HDAC4: variants seen among roughly 807,000 people sequenced by gnomAD.
HDAC4 encodes histone deacetylase A.
HDAC4 carries 16 observed loss-of-function variants against 135.1 expected under a neutral mutation model. That is an observed-to-expected ratio of 0.12 (90% CI 0.08 to 0.18). The LOEUF (loss-of-function observed/expected upper bound fraction) is 0.18. HDAC4 is among the 10% of genes least tolerant of loss of function. The probability of loss-of-function intolerance (pLI) is 1.00; values close to 1 mark genes in which losing one functional copy is unlikely to be tolerated. For missense variants in HDAC4, 1,143 were observed against 1,511.8 expected (o/e 0.76, Z 4.05); for synonymous variants, 685 against 653.4 (o/e 1.05, Z -0.74).
At chr2:239,143,907 TC>T (rs1294916587) in intron 8 of HDAC4, among the ~76,000 whole-genome samples, 1 of 152,218 alleles carries the variant, frequency 6.6e-6, no homozygotes, top group Non-Finnish European at 1.5e-5. Flanking sequence ...AGCTCCTTTA[TC>T]CTGGTGCTGT....
chr2:239,390,240 C>A (rs941058861), intron 1 of HDAC4, among the ~76,000 whole-genome samples: 1 of 152,192 alleles, frequency 6.6e-6, no homozygotes, highest in Non-Finnish European at 1.5e-5. Flanking sequence ...TCAATACCTC[C>A]CTCGAAGCCA....
chr2:239,371,357 T>G (rs1694602647), intron 1 of HDAC4, among the ~76,000 whole-genome samples: 1 of 150,548 alleles, frequency 6.6e-6, no homozygotes, highest in Admixed American at 6.6e-5. Flanking sequence ...ACACGCACAC[T>G]CAAACCCATG....
rs1326474614 is a variant in HDAC4 at position 239,102,841 on chromosome 2, G to A, written c.2168C>T (p.Ala723Val). ...LEELQTVHSE[A>V]HTLLYGTNPL... ...GTTCGTGCCATACAGGAGGGTGTGGGCTTCCGAGTGCACCGTCTGTAGCTC... is the reference window on the plus strand; with the variant it reads ...GTTCGTGCCATACAGGAGGGTGTGGACTTCCGAGTGCACCGTCTGTAGCTC... Residue 723 changes from alanine (A) to valine (V), a missense_variant, in exon 16 of 27, where the codon GCC (alanine) becomes GTC (valine). Physicochemically the swap from Ala to Val is moderately conservative, Grantham distance 64 (BLOSUM62 0). Transcript: ENST00000543185. The A allele has an allele frequency of 2.5e-6, 4 of 1,613,972 alleles. No homozygotes were observed. The highest frequency in any genetic ancestry group is 3.4e-6 in the Non-Finnish European group (4 of 1,179,988).
chr2:239,331,529 C>T lies in HDAC4; in HGVS notation c.22+21149G>A, dbSNP rs1691570721. 6.6e-6 allele frequency among the ~76,000 whole-genome samples: 1 copy of T among 152,294 alleles called. No individual in the cohort carries two copies. The highest frequency in any genetic ancestry group is 2.1e-4 in the South Asian group (1 of 4,824). Reference sequence around the variant, plus strand: ...GATGAATGCAAGCCTGGAAAGCAAGCTGGGACTCGTGAACTAAGCCGCCCA... The same window carrying T: ...GATGAATGCAAGCCTGGAAAGCAAGTTGGGACTCGTGAACTAAGCCGCCCA... On this transcript the variant is annotated intron_variant, in intron 2 of 26. Coordinates refer to ENST00000543185, the MANE Select transcript of HDAC4 (RefSeq NM_001378414.1). This position sits in a 1 kb window ranked among gnomAD's most constrained non-coding sequence, Gnocchi z 4.5.
At chr2:239,314,818 C>A (rs1347429637) in intron 2 of HDAC4, among the ~76,000 whole-genome samples, 1 of 152,144 alleles carries the variant, frequency 6.6e-6, no homozygotes, top group East Asian at 1.9e-4. Flanking sequence ...AAATAAAATT[C>A]TAAGCTCCCA....
At chr2:239,267,790 C>T (rs866768000) in intron 2 of HDAC4, among the ~76,000 whole-genome samples, 15 of 152,400 alleles carry the variant, frequency 9.8e-5, no homozygotes, top group African/African-American at 3.1e-4. Context: ...CTTCTCCCTC[C>T]GTCAAGGACA....
At chr2:239,398,243 G>A (rs112067712) in intron 1 of HDAC4, among the ~76,000 whole-genome samples, 19 of 152,316 alleles carry the variant, frequency 1.2e-4, no homozygotes, top group African/African-American at 4.3e-4. Flanking sequence ...AAGCCCAGCC[G>A]TTTTCAATAG....
intron 2 of HDAC4, among the ~76,000 whole-genome samples, chr2:239,330,402 A>G (rs2125815890): frequency 6.6e-6 from 1 of 152,382 alleles, no homozygotes; most frequent in Admixed American, 6.5e-5. Context: ...TGGGGCCTGC[A>G]GCCAGCAACC....
At chr2:239,379,137 C>T (rs1374770807) in intron 1 of HDAC4, among the ~76,000 whole-genome samples, 1 of 152,176 alleles carries the variant, frequency 6.6e-6, no homozygotes, top group African/African-American at 2.4e-5. Context: ...CAAGTCACTC[C>T]AGGAAGGCAG....
rs1691613332 is a variant in HDAC4, at chr2:239,331,973, A to G, written c.22+20705T>C. Among the ~76,000 whole-genome samples, 1 of 152,210 alleles carries G rather than the reference A, an allele frequency of 6.6e-6. No homozygotes were observed. The highest frequency in any genetic ancestry group is 6.5e-5 in the Admixed American group (1 of 15,288). On this transcript the variant is annotated intron_variant, in intron 2 of 26. Transcript: ENST00000543185. The surrounding 1 kb of genome is among the most constrained non-coding windows in gnomAD (Gnocchi z 4.5). The stretch of plus-strand genomic sequence containing the variant: ...TCACAGAATCCGCAGCTTGAGCGTA[A>G]GAAGGGATACAAGAGGGAAAGGTGG...
rs1343395941 is a variant in HDAC4 at position 239,051,757 on chromosome 2, T to TTCAA, written c.*1336_*1339dup. On this transcript the variant is annotated 3_prime_UTR_variant, in exon 27 of 27. Coordinates refer to ENST00000543185, the MANE Select transcript of HDAC4 (RefSeq NM_001378414.1). ...ATCTGGAGCTTGAGAAAACATGAAT[T>TTCAA]TCAATCAATCAGGATCCCTTTCCAT... is the stretch of plus-strand genomic sequence containing the variant. 2 of 152,402 alleles carry TTCAA rather than the reference T, an allele frequency of 1.3e-5. No individual in the cohort carries two copies. Among genetic ancestry groups the TTCAA allele is most frequent in the Admixed American group, 1.3e-4 (2 of 15,274 alleles). 9.4% of individuals were successfully genotyped at this position (152,402 alleles called of 1,614,324 possible).
At chr2:239,054,612 C>T (rs1480340770) in intron 25 of HDAC4, 137 bp downstream of exon 25, 7 of 730,352 alleles carry the variant, frequency 9.6e-6, no homozygotes, top group Admixed American at 9.3e-5. Context: ...GAAAGCAAGG[C>T]CTTCTGCTGC....
chr2:239,093,501 C>A (rs550755791), intron 17 of HDAC4, among the ~76,000 whole-genome samples: 2 of 152,230 alleles, frequency 1.3e-5, no homozygotes, highest in Non-Finnish European at 2.9e-5. Context: ...GGGTCTGCAC[C>A]GGCCTCCTGT....
chr2:239,149,167 T>C (rs930372494), intron 7 of HDAC4, among the ~76,000 whole-genome samples: 5 of 152,046 alleles, frequency 3.3e-5, no homozygotes, highest in African/African-American at 1.2e-4. Context: ...TTTGGGAGGC[T>C]GAGGCAGGTG....
At position 239,049,516 on chromosome 2, in the gene HDAC4, G is replaced by A. The variant is rs891653675; in HGVS notation, c.*3581C>T. ...ATATGTATCAATGCCCATAAAACAC[G>A]TGGGCCCAAAGTCTACAAAAAGAAG... On this transcript the variant is annotated 3_prime_UTR_variant, in exon 27 of 27. Coordinates refer to ENST00000543185, the MANE Select transcript of HDAC4 (RefSeq NM_001378414.1). 4 of 151,806 alleles carry A rather than the reference G, an allele frequency of 2.6e-5. No individual in the cohort carries two copies. Among genetic ancestry groups the A allele is most frequent in the Non-Finnish European group, 5.9e-5 (4 of 67,926 alleles). The allele number at this position is 151,806 out of a possible 1,614,324, so 9.4% of individuals were successfully genotyped here.
intron 16 of HDAC4, among the ~76,000 whole-genome samples, chr2:239,098,456 C>T (rs929424239): frequency 3.9e-5 from 6 of 152,230 alleles, no homozygotes; most frequent in African/African-American, 7.2e-5. Flanking sequence ...ATTTTCCTGC[C>T]GCACCCTACC....
At chr2:239,366,056 T>C (rs1414422544) in intron 1 of HDAC4, among the ~76,000 whole-genome samples, 1 of 147,910 alleles carries the variant, frequency 6.8e-6, no homozygotes, top group East Asian at 2.0e-4. Context: ...GTCACGCGTG[T>C]GGCACTGGCG....
chr2:239,301,537 C>T (rs963905294), intron 2 of HDAC4, among the ~76,000 whole-genome samples: 1 of 151,176 alleles, frequency 6.6e-6, no homozygotes, highest in East Asian at 2.0e-4. Context: ...GGCTGGAGTG[C>T]AGCGGTATGA....
rs2048416096 is a variant in HDAC4, at chr2:239,245,571, CCT to C, written c.23-8909_23-8908del. On this transcript the variant is annotated intron_variant, in intron 2 of 26. Transcript: ENST00000543185. The surrounding 1 kb of genome is among the most constrained non-coding windows in gnomAD (Gnocchi z 4.4). Reference sequence around the variant, plus strand: ...AAGTATTTAAGGGATGGTGCTGTGGCCTCTGAGATCGGTTTTAAATTCTCCAG... The same window carrying C: ...AAGTATTTAAGGGATGGTGCTGTGGCCTGAGATCGGTTTTAAATTCTCCAG... Among the ~76,000 whole-genome samples the C allele has an allele frequency of 6.6e-6, 1 of 152,100 alleles. No individual in the cohort carries two copies. The highest frequency in any genetic ancestry group is 2.4e-5 in the African/African-American group (1 of 41,428).
Sources: allele counts gnomAD v4.1 joint callset (sites outside exome capture counted in the v4.1 genomes callset), GRCh38; gene constraint gnomAD v4.1.1; non-coding constraint Gnocchi (gnomAD v3.1); transcripts MANE v1.5; gene names NCBI Gene and HGNC (gene_info 2026-07-23, HGNC 2026-07-21).